Variants in GRM3 observed in about 807,000 individuals in gnomAD.
The protein encoded by GRM3 is glutamate metabotropic receptor 3, also known as metabotropic glutamate receptor 3.
Under a neutral mutation model 70.5 loss-of-function variants are expected in GRM3, and 26 were observed. That is an observed-to-expected ratio of 0.37 (90% CI 0.27 to 0.51). The LOEUF (loss-of-function observed/expected upper bound fraction) is 0.51, where lower values mean the gene tolerates loss of function less well. GRM3 is among the 20% of genes least tolerant of loss of function. The probability of loss-of-function intolerance (pLI) is 0.93; values close to 1 mark genes in which losing one functional copy is unlikely to be tolerated. For missense variants in GRM3, 859 were observed against 1,123.8 expected (o/e 0.76, Z 3.37); for synonymous variants, 443 against 434.9 (o/e 1.02, Z -0.23).
At chr7:86,820,072 G>T (rs1798090004) in intron 3 of GRM3, among the ~76,000 whole-genome samples, 2 of 152,074 alleles carry the variant, frequency 1.3e-5, no homozygotes, top group Admixed American at 1.3e-4. Flanking sequence ...ACCCATACTT[G>T]ACCTCTTACA....
At chr7:86,790,296 C>G (rs1797374258) in intron 3 of GRM3, among the ~76,000 whole-genome samples, 1 of 152,128 alleles carries the variant, frequency 6.6e-6, no homozygotes, top group African/African-American at 2.4e-5. Flanking sequence ...TTCCTTCATA[C>G]TTTATATCCA....
chr7:86,811,331 C>A (rs1797904709), intron 3 of GRM3, among the ~76,000 whole-genome samples: 1 of 151,526 alleles, frequency 6.6e-6, no homozygotes, highest in African/African-American at 2.4e-5. Context: ...ACTTTTGAAC[C>A]TTAAGCCATT....
At chr7:86,735,363 A>T (rs1204308650) in intron 1 of GRM3, among the ~76,000 whole-genome samples, 1 of 152,220 alleles carries the variant, frequency 6.6e-6, no homozygotes, top group Non-Finnish European at 1.5e-5. Flanking sequence ...TCAGACAAAA[A>T]AAAATCCCAC....
At chr7:86,801,746 G>C (rs571490036) in intron 3 of GRM3, among the ~76,000 whole-genome samples, 7 of 152,158 alleles carry the variant, frequency 4.6e-5, no homozygotes, top group Non-Finnish European at 8.8e-5. Flanking sequence ...AGATACAAAA[G>C]AGGGACCATA....
At chr7:86,740,996 T>C (rs1394870035) in intron 1 of GRM3, among the ~76,000 whole-genome samples, 1 of 152,204 alleles carries the variant, frequency 6.6e-6, no homozygotes, top group Non-Finnish European at 1.5e-5. Context: ...TATATATGTG[T>C]ACATAGACCT....
chr7:86,851,065 G>A (rs1169644307), intron 5 of GRM3, among the ~76,000 whole-genome samples: 1 of 152,140 alleles, frequency 6.6e-6, no homozygotes, highest in Non-Finnish European at 1.5e-5. Flanking sequence ...GAAGTTTACA[G>A]TACTTCCTTT....
chr7:86,691,440 A>T (rs2116030949), intron 1 of GRM3, among the ~76,000 whole-genome samples: 1 of 152,304 alleles, frequency 6.6e-6, no homozygotes, highest in South Asian at 2.1e-4. Context: ...AAAATGTTTA[A>T]CTCATCAATG....
chr7:86,754,224 G>A (rs1281901719), intron 1 of GRM3, among the ~76,000 whole-genome samples: 2 of 152,078 alleles, frequency 1.3e-5, no homozygotes, highest in Non-Finnish European at 2.9e-5. Flanking sequence ...AAGAACATCA[G>A]TTAGGCCTTG....
At chr7:86,704,379 T>C (rs1240487783) in intron 1 of GRM3, among the ~76,000 whole-genome samples, 1 of 151,942 alleles carries the variant, frequency 6.6e-6, no homozygotes, top group African/African-American at 2.4e-5. Context: ...CATTATCACC[T>C]AAATAATTCT....
intron 4 of GRM3, among the ~76,000 whole-genome samples, chr7:86,844,030 A>G (rs546857154): frequency 3.9e-5 from 6 of 152,292 alleles, no homozygotes; most frequent in African/African-American, 1.4e-4. Context: ...ACTAAGGACC[A>G]TACTTGGAGT....
intron 1 of GRM3, among the ~76,000 whole-genome samples, chr7:86,689,427 C>A (rs1794645293): frequency 6.6e-6 from 1 of 151,970 alleles, no homozygotes; most frequent in South Asian, 2.1e-4. Flanking sequence ...GAAAATAAAT[C>A]ATAAATAGTA....
chr7:86,725,020 G>T (rs1795558571), intron 1 of GRM3, among the ~76,000 whole-genome samples: 1 of 152,064 alleles, frequency 6.6e-6, no homozygotes, highest in African/African-American at 2.4e-5. Flanking sequence ...AGCATTACCA[G>T]ATAATTCTTA....
chr7:86,828,111 CAAAAAAAAAAAA>C (rs55645713), intron 3 of GRM3, among the ~76,000 whole-genome samples: 9 of 68,292 alleles, frequency 1.3e-4, no homozygotes, highest in Admixed American at 1.2e-3. Context: ...AACTCCGTAT[CAAAAAAAAAAAA>C]AAAAAAAAAA....
At chr7:86,696,179 C>T (rs188817589) in intron 1 of GRM3, among the ~76,000 whole-genome samples, 1 of 152,290 alleles carries the variant, frequency 6.6e-6, no homozygotes, top group Non-Finnish European at 1.5e-5. Flanking sequence ...AGATGTTCAC[C>T]TCCAAATCCC....
At chr7:86,713,700 G>A (rs1449788303) in intron 1 of GRM3, among the ~76,000 whole-genome samples, 11 of 151,742 alleles carry the variant, frequency 7.2e-5, no homozygotes, top group African/African-American at 2.7e-4. Context: ...ACATGGCCAG[G>A]GCAGCAGAAA....
intron 5 of GRM3, among the ~76,000 whole-genome samples, chr7:86,862,974 A>G (rs1798988507): frequency 6.6e-6 from 1 of 152,230 alleles, no homozygotes; most frequent in African/African-American, 2.4e-5. Context: ...AGAATGGGAC[A>G]GATGGCTGGT....
chr7:86,662,078 T>G (rs936953841), intron 1 of GRM3, among the ~76,000 whole-genome samples: 2 of 151,924 alleles, frequency 1.3e-5, no homozygotes, highest in Non-Finnish European at 2.9e-5. Context: ...TAACTATGTA[T>G]TCCAAAAATA....
chr7:86,753,771 A>T (rs964522955), intron 1 of GRM3, among the ~76,000 whole-genome samples: 12 of 152,100 alleles, frequency 7.9e-5, no homozygotes, highest in Non-Finnish European at 1.6e-4. Context: ...TTATAAGAGC[A>T]TTGTTAAATT....
chr7:86,778,865 G>C (rs1477845793), intron 2 of GRM3, among the ~76,000 whole-genome samples: 1 of 152,154 alleles, frequency 6.6e-6, no homozygotes, highest in Non-Finnish European at 1.5e-5. Context: ...CTTAGAATGT[G>C]ACTTGATTGA....
Sources: gnomAD v4.1 joint callset for allele counts (sites outside exome capture counted in the v4.1 genomes callset) on GRCh38, gnomAD v4.1.1 for gene constraint, MANE v1.5 for transcripts, NCBI Gene and HGNC (gene_info 2026-07-23, HGNC 2026-07-21) for gene names.